Variants in PLXNA4 observed in about 807,000 individuals in gnomAD.
The protein encoded by PLXNA4 is plexin A4, also known as plexin-A4.
PLXNA4 carries 44 observed loss-of-function variants against 191.8 expected under a neutral mutation model. The ratio of observed to expected loss-of-function variants is 0.23; its 90% CI spans 0.18 to 0.29. The LOEUF (loss-of-function observed/expected upper bound fraction) is 0.29. PLXNA4 is among the 10% of genes least tolerant of loss of function. The pLI, the probability that PLXNA4 is intolerant of heterozygous loss-of-function variation, is 1.00. For synonymous variants in PLXNA4, 1,082 were observed against 1,009.5 expected (o/e 1.07, Z -1.36); for missense variants, 1,800 against 2,488.8 (o/e 0.72, Z 5.89).
chr7:132,181,673 G>A, intron 17 of PLXNA4, 53 bp from the exon 18 acceptor site: 1 of 1,597,102 alleles, frequency 6.3e-7, no homozygotes, highest in Non-Finnish European at 8.5e-7. Context: ...CATACCCACA[G>A]CCCCAGTGCA....
In PLXNA4 at chr7:132,147,773, G is replaced by A. The variant is rs115287145; in HGVS notation, c.4864+127C>T. On this transcript the variant is annotated intron_variant, in intron 27 of 31. Coordinates refer to ENST00000321063, the MANE Select transcript of PLXNA4 (RefSeq NM_020911.2). ...CTTCCCCCACCTGGCTCTCTTCCCC[G>A]ATGGTCAGCCTGTCTGATGCCCCAT... 862 of 1,286,766 alleles carry A rather than the reference G, an allele frequency of 6.7e-4. 4 individuals are homozygous for A. In the African/African-American group the frequency reaches 0.011, roughly 17 times the overall value. 79.7% of individuals were successfully genotyped at this position (1,286,766 alleles called of 1,614,324 possible). A position where few individuals can be genotyped will look rare whatever the true frequency, so the allele number is the denominator to read the frequency against.
At chr7:132,374,904 C>G (rs1804596195) in intron 3 of PLXNA4, among the ~76,000 whole-genome samples, 2 of 152,234 alleles carry the variant, frequency 1.3e-5, no homozygotes, top group African/African-American at 2.4e-5. Flanking sequence ...TCAGTTACAA[C>G]TACCCTGTCT....
intron 3 of PLXNA4, chr7:132,383,980 T>A (rs919933550): frequency 2.0e-6 from 2 of 985,314 alleles, no homozygotes; most frequent in Non-Finnish European, 2.4e-6. Flanking sequence ...GCTTTACCCA[T>A]CCCTATGCAG....
intron 1 of PLXNA4, among the ~76,000 whole-genome samples, chr7:132,533,753 C>T (rs534310942): frequency 1.3e-5 from 2 of 152,230 alleles, no homozygotes; most frequent in African/African-American, 4.8e-5. Flanking sequence ...GCACCCAGCC[C>T]TTCCTCCCTT....
chr7:132,154,342 T>C (rs1339216195), intron 25 of PLXNA4, among the ~76,000 whole-genome samples: 1 of 151,384 alleles, frequency 6.6e-6, no homozygotes, highest in Non-Finnish European at 1.5e-5. Flanking sequence ...CAAGAGAAGA[T>C]CAGAGTGTAT....
intron 24 of PLXNA4, 86 bp from the exon 25 acceptor site, chr7:132,159,718 C>T: frequency 6.4e-7 from 1 of 1,569,640 alleles, no homozygotes; most frequent in East Asian, 2.2e-5. Flanking sequence ...GGGATTCCGT[C>T]CTGAATGGCT....
chr7:132,486,459 A>G (rs1039622786), intron 3 of PLXNA4, among the ~76,000 whole-genome samples: 9 of 152,198 alleles, frequency 5.9e-5, no homozygotes, highest in African/African-American at 2.2e-4. Flanking sequence ...TCCTTTCCCA[A>G]CTCAGACTGT....
intron 2 of PLXNA4, among the ~76,000 whole-genome samples, chr7:132,589,653 A>C (rs374089839): frequency 1.3e-5 from 2 of 152,342 alleles, no homozygotes; most frequent in South Asian, 4.1e-4. Flanking sequence ...GTTTATACCA[A>C]GTACTGCTCT....
At chr7:132,385,168 A>G (rs1428765368) in intron 3 of PLXNA4, 1 of 1,613,564 alleles carries the variant, frequency 6.2e-7, no homozygotes, top group Non-Finnish European at 8.5e-7. Flanking sequence ...AAATAAGCCT[A>G]CACAGCTCTG....
chr7:132,177,177 GTA>G (rs1459745509), intron 20 of PLXNA4, among the ~76,000 whole-genome samples: 1 of 143,690 alleles, frequency 7.0e-6, no homozygotes, highest in Non-Finnish European at 1.6e-5. Context: ...ACGAGTGAGT[GTA>G]TGTGAGTGTG....
At chr7:132,149,237 T>G (rs1475266135) in intron 25 of PLXNA4, among the ~76,000 whole-genome samples, 1 of 152,216 alleles carries the variant, frequency 6.6e-6, no homozygotes, top group Non-Finnish European at 1.5e-5. Flanking sequence ...CTGCAAAGTT[T>G]ATGTAAATGA....
intron 30 of PLXNA4, among the ~76,000 whole-genome samples, chr7:132,140,293 G>A (rs552383009): frequency 1.3e-5 from 2 of 152,254 alleles, no homozygotes; most frequent in South Asian, 4.1e-4. Flanking sequence ...GGTGGGTGGT[G>A]AAGATCAGAG....
intron 2 of PLXNA4, among the ~76,000 whole-genome samples, chr7:132,588,003 T>C (rs569394188): frequency 2.6e-5 from 4 of 152,202 alleles, no homozygotes; most frequent in African/African-American, 7.2e-5. Flanking sequence ...GTCTCCCTTT[T>C]CTCTAGGTGG....
At chr7:132,478,888 A>C (rs1396554001) in intron 3 of PLXNA4, among the ~76,000 whole-genome samples, 1 of 151,980 alleles carries the variant, frequency 6.6e-6, no homozygotes, top group South Asian at 2.1e-4. Flanking sequence ...CAGAAAGACA[A>C]CCCATCTCTT....
chr7:132,151,310 G>GAAAGGAGGAGGAGGAGGAGA (rs1562884878), intron 25 of PLXNA4, among the ~76,000 whole-genome samples: 1 of 35,534 alleles, frequency 2.8e-5, no homozygotes, highest in African/African-American at 5.4e-5. Context: ...GGAGGAGGAA[G>GAAAGGAGGAGGAGGAGGAGA]AAGGAGGAGG....
In PLXNA4 at chr7:132,164,311, T is replaced by G. The variant is rs563921173; in HGVS notation, c.4354-23A>C. 3 of 1,612,230 alleles carry G rather than the reference T, an allele frequency of 1.9e-6. No individual in the cohort carries two copies. In the Admixed American group the frequency reaches 5.0e-5, roughly 27 times the overall value. On this transcript the variant is annotated intron_variant, in intron 23 of 31. Coordinates refer to ENST00000321063, the MANE Select transcript of PLXNA4 (RefSeq NM_020911.2). ...CTCCTGGAGGTGAGAAGAACGTCATTAGGAGGAGCTCTTGGAACACTGGAG... is the reference window on the plus strand; with the variant it reads ...CTCCTGGAGGTGAGAAGAACGTCATGAGGAGGAGCTCTTGGAACACTGGAG...
At chr7:132,493,719 ATGGG>A (rs1349274132) in intron 2 of PLXNA4, among the ~76,000 whole-genome samples, 4 of 121,938 alleles carry the variant, frequency 3.3e-5, no homozygotes, top group South Asian at 6.9e-4. Context: ...GGATGGATGG[ATGGG>A]TGGATGGGTG....
intron 4 of PLXNA4, among the ~76,000 whole-genome samples, chr7:132,248,020 A>G (rs190963423): frequency 6.6e-6 from 1 of 152,346 alleles, no homozygotes; most frequent in East Asian, 1.9e-4. Flanking sequence ...TGGTGAATAG[A>G]CAAGTGGTGT....
chr7:132,265,359 AGT>A (rs1799809751), intron 4 of PLXNA4, among the ~76,000 whole-genome samples: 3 of 152,216 alleles, frequency 2.0e-5, no homozygotes, highest in Non-Finnish European at 4.4e-5. Context: ...TCCCAAGCTA[AGT>A]ACTGTGCTAT....
Sources: allele counts gnomAD v4.1 joint callset (sites outside exome capture counted in the v4.1 genomes callset), GRCh38; gene constraint gnomAD v4.1.1; transcripts MANE v1.5; gene names NCBI Gene and HGNC (gene_info 2026-07-23, HGNC 2026-07-21).